The following TMC5 variants were observed in gnomAD, a reference collection of about 807,000 sequenced individuals.
TMC5 encodes transmembrane channel-like protein 5.
A neutral mutation model predicts 110.5 loss-of-function variants in TMC5; 86 were observed. The observed-to-expected ratio is 0.78, with a 90% CI of 0.65 to 0.93. The LOEUF (loss-of-function observed/expected upper bound fraction) is 0.93. TMC5 is among the 40% of genes least tolerant of loss of function. TMC5 has a pLI of 0.00. For synonymous variants in TMC5, 455 were observed against 439.5 expected (o/e 1.04, Z -0.44); for missense variants, 1,144 against 1,222.8 (o/e 0.94, Z 0.96).
chr16:19,486,800 C>T (rs979474492), intron 15 of TMC5, 145 bp from the exon 16 acceptor site: 7 of 654,326 alleles, frequency 1.1e-5, no homozygotes, highest in Middle Eastern at 3.9e-4. Context: ...CTGAGATATT[C>T]GGGGTTAAGG....
intron 1 of TMC5, among the ~76,000 whole-genome samples, chr16:19,427,161 G>C (rs1445762374): frequency 6.6e-6 from 1 of 152,166 alleles, no homozygotes; most frequent in African/African-American, 2.4e-5. Flanking sequence ...TGTTTTAAAT[G>C]TTGGAGTTCC....
rs2143466217 is a variant in TMC5 at position 19,440,552 on chromosome 16, C to T, written c.514C>T (p.His172Tyr). Reference sequence around the variant, plus strand: ...CCCTGGAGCTCAGAGCAACTCTGATCATCCTGGACCCAGAGCCAATTTGAA... The same window carrying T: ...CCCTGGAGCTCAGAGCAACTCTGATTATCCTGGACCCAGAGCCAATTTGAA... Reference protein sequence around the residue: ...DYPGAQSNSDHPGPRANLNHP... With the variant: ...DYPGAQSNSDYPGPRANLNHP... The change falls in exon 3 of 22, where the codon CAT becomes TAT. Residue 172 changes from histidine to tyrosine, a missense_variant. Transcript: ENST00000542583. The T allele has an allele frequency of 6.2e-7, 1 of 1,614,174 alleles. No homozygotes were observed. The highest frequency in any genetic ancestry group is 8.5e-7 in the Non-Finnish European group (1 of 1,180,038).
At chr16:19,464,045 A>G in intron 8 of TMC5, 21 bp downstream of exon 8, 1 of 1,609,996 alleles carries the variant, frequency 6.2e-7, no homozygotes, top group Non-Finnish European at 8.5e-7. Flanking sequence ...CACTTCCCCT[A>G]CCCCAAGTGC....
rs368948373 is a variant in TMC5, at chr16:19,412,077, AT to A, written c.-308+913del. ...ACCTATCCTATAGGGTTTTTGTGGG[AT>A]TTTTTTTTTTTGAATTGTTGTCTCG... On this transcript the variant is annotated intron_variant, in intron 1 of 20. Coordinates refer to the TMC5 transcript ENST00000381414. Among the ~76,000 whole-genome samples, 229 of 146,404 alleles carry A rather than the reference AT, an allele frequency of 1.6e-3. 2 individuals carry two copies. The highest frequency in any genetic ancestry group is 3.9e-3 in the African/African-American group (157 of 40,106).
At chr16:19,487,089 T>C in intron 16 of TMC5, 69 bp downstream of exon 16, 1 of 1,610,000 alleles carries the variant, frequency 6.2e-7, no homozygotes, top group African/African-American at 1.3e-5. Context: ...CGCTTAAAGC[T>C]GGGGAAGGGG....
intron 2 of TMC5, among the ~76,000 whole-genome samples, chr16:19,435,086 G>A (rs775846085): frequency 1.3e-5 from 2 of 152,114 alleles, no homozygotes; most frequent in Non-Finnish European, 2.9e-5. Flanking sequence ...TAAGAAAATT[G>A]GAAATATTTG....
chr16:19,477,361 G>A, intron 12 of TMC5, 79 bp from the exon 13 acceptor site: 1 of 1,058,690 alleles, frequency 9.4e-7, no homozygotes, highest in Non-Finnish European at 1.5e-6. Context: ...ATCTTACCAT[G>A]TGCCCCAAAG....
intron 19 of TMC5, 37 bp downstream of exon 19, chr16:19,492,265 C>T (rs1290593239): frequency 6.7e-7 from 1 of 1,500,138 alleles, no homozygotes; most frequent in Admixed American, 1.7e-5. Flanking sequence ...TCCGCCCTCA[C>T]CCTTTTTAAA....
At position 19,497,142 on chromosome 16, in the gene TMC5, G is replaced by C. The variant is rs1969077212; in HGVS notation, c.2953G>C (p.Gly985Arg). 2.5e-6 allele frequency: 4 copies of C among 1,613,804 alleles called. No homozygotes were observed. Among genetic ancestry groups the C allele is most frequent in the Non-Finnish European group, 3.4e-6 (4 of 1,179,958 alleles). Residue 985 changes from glycine to arginine, a missense_variant, in exon 21 of 22, where the codon GGG becomes CGG. Gly to Arg is a moderately radical substitution (Grantham distance 125). Transcript: ENST00000542583. ...EVEQQGFLHL[G>R]EHDGSLDLRS... ...TCAGCAACAAGGCTTTTTGCATTTG[G>C]GGGAACATGATGGCAGTCTTGGTGA...
chr16:19,492,915 G>GATAGATAGATAGATATATAT (rs58561457), intron 19 of TMC5, among the ~76,000 whole-genome samples: 2 of 42,752 alleles, frequency 4.7e-5, no homozygotes, highest in African/African-American at 1.1e-4. Flanking sequence ...TTAAAACTTA[G>GATAGATAGATAGATATATAT]ATATATATAT....
chr16:19,453,847 G>A (rs1967804822), intron 5 of TMC5, among the ~76,000 whole-genome samples: 1 of 152,118 alleles, frequency 6.6e-6, no homozygotes, highest in African/African-American at 2.4e-5. Flanking sequence ...TCCCTAGGAA[G>A]CACCTGCCAC....
At chr16:19,467,389 T>C (rs1968217119) in intron 9 of TMC5, among the ~76,000 whole-genome samples, 1 of 152,156 alleles carries the variant, frequency 6.6e-6, no homozygotes, top group Non-Finnish European at 1.5e-5. Flanking sequence ...CCTCTGTGTC[T>C]TAATCTCCCT....
At chr16:19,460,382 A>C in intron 6 of TMC5, 48 bp downstream of exon 6, 57 of 1,317,398 alleles carry the variant, frequency 4.3e-5, no homozygotes, top group Middle Eastern at 1.9e-4. Flanking sequence ...TGCGAACCTC[A>C]ATCCTCTACT....
intron 5 of TMC5, among the ~76,000 whole-genome samples, chr16:19,450,286 G>A (rs1157231991): frequency 6.6e-6 from 1 of 152,124 alleles, no homozygotes; most frequent in East Asian, 1.9e-4. Context: ...AGCGTATGGG[G>A]GAAACTTAAA....
At chr16:19,464,063 A>G in intron 8 of TMC5, 39 bp downstream of exon 8, 2 of 1,595,846 alleles carry the variant, frequency 1.3e-6, no homozygotes, top group Non-Finnish European at 1.7e-6. Context: ...TGCACCAATC[A>G]CCTCGGAAAC....
chr16:19,429,972 T>G (rs1967163004), intron 1 of TMC5, among the ~76,000 whole-genome samples: 1 of 152,068 alleles, frequency 6.6e-6, no homozygotes, highest in African/African-American at 2.4e-5. Context: ...TCAGGTCACA[T>G]TCTGAAGTAC....
chr16:19,442,198 G>A (rs894757185), intron 3 of TMC5, among the ~76,000 whole-genome samples: 1 of 152,022 alleles, frequency 6.6e-6, no homozygotes, highest in Non-Finnish European at 1.5e-5. Flanking sequence ...GTCAATTTTT[G>A]TTCCTTGACA....
chr16:19,466,239 G>C lies in TMC5; in HGVS notation c.1637+6G>C. ...TTCTTCAGTTTGCTGTTCAGGTATG[G>C]AAGCATCTACATTTCCTGATTCTGA... On this transcript the variant is annotated splice_donor_region_variant and intron_variant, in intron 9 of 21. Transcript: ENST00000542583. 6.2e-7 allele frequency: 1 copy of C among 1,613,250 alleles called. No homozygotes were observed. The highest frequency in any genetic ancestry group is 8.5e-7 in the Non-Finnish European group (1 of 1,179,746).
At chr16:19,463,021 C>T (rs112378903) in intron 6 of TMC5, among the ~76,000 whole-genome samples, 4,618 of 152,208 alleles carry the variant, frequency 0.03, 94 homozygotes, top group Non-Finnish European at 0.045. Flanking sequence ...GTAATCCCCC[C>T]ACCACAGCCT....
Sources: gnomAD v4.1 joint callset for allele counts (sites outside exome capture counted in the v4.1 genomes callset) on GRCh38, gnomAD v4.1.1 for gene constraint, MANE v1.5 for transcripts, NCBI Gene and HGNC (gene_info 2026-07-23, HGNC 2026-07-21) for gene names.